GEMIN2: variants seen among roughly 807,000 people sequenced by gnomAD.
GEMIN2 encodes the protein gem nuclear organelle associated protein 2.
In GEMIN2, 37 loss-of-function variants were observed where a neutral mutation model predicts 45.8. That is an observed-to-expected ratio of 0.81 (90% CI 0.62 to 1.06). The LOEUF (loss-of-function observed/expected upper bound fraction) is 1.06, where lower values mean the gene tolerates loss of function less well. GEMIN2 is among the 50% of genes least tolerant of loss of function. The pLI is 0.00. For missense variants in GEMIN2, 335 were observed against 321.8 expected (o/e 1.04, Z -0.31); for synonymous variants, 101 against 111.5 (o/e 0.91, Z 0.60).
At chr14:39,122,061 T>G (rs1049661086) in intron 4 of GEMIN2, 2 of 190,296 alleles carry the variant, frequency 1.1e-5, no homozygotes, top group African/African-American at 4.8e-5. Context: ...TTGGCTTGCA[T>G]AGGGCCACCT....
rs2052561310 is a variant in GEMIN2, at chr14:39,120,509, G to C, written c.372+1910G>C. ...AGGATATTCAGTACTAACTGAAACA[G>C]AAACAGCTTCTGACCTAATAGAGTG... On this transcript the variant is annotated intron_variant, in intron 4 of 9. Transcript: ENST00000308317. 2.0e-5 allele frequency among the ~76,000 whole-genome samples: 3 copies of C among 152,232 alleles called. No homozygotes were observed. The South Asian group carries it at 6.2e-4, about 31-fold the overall frequency.
At chr14:39,130,957 A>G (rs2052707920) in intron 7 of GEMIN2, among the ~76,000 whole-genome samples, 1 of 152,092 alleles carries the variant, frequency 6.6e-6, no homozygotes, top group African/African-American at 2.4e-5. Context: ...TTATAAATAA[A>G]AAAGATGGCT....
At chr14:39,133,759 G>T in intron 9 of GEMIN2, 40 bp downstream of exon 9, 2 of 1,081,344 alleles carry the variant, frequency 1.8e-6, no homozygotes, top group Non-Finnish European at 2.7e-6. Flanking sequence ...TTATCAGTGA[G>T]GTCAGTGAGG....
chr14:39,123,467 T>C (rs186657996), intron 5 of GEMIN2, among the ~76,000 whole-genome samples: 18 of 151,758 alleles, frequency 1.2e-4, no homozygotes, highest in Admixed American at 1.2e-3. Flanking sequence ...GTAATAGAAG[T>C]ATAACATAAC....
intron 4 of GEMIN2, among the ~76,000 whole-genome samples, chr14:39,121,012 C>T (rs752355822): frequency 6.6e-6 from 1 of 152,210 alleles, no homozygotes; most frequent in South Asian, 2.1e-4. Context: ...AATAGTCCTG[C>T]GTCCTGCTTT....
Position 39,118,186 on chromosome 14 carries a change from G to T in GEMIN2, c.312+98G>T, listed in dbSNP as rs193179127. The T allele has an allele frequency of 2.5e-5, 13 of 524,980 alleles. No homozygotes were observed. In the East Asian group the frequency reaches 4.1e-4, roughly 17 times the overall value. 32.5% of individuals were successfully genotyped at this position (524,980 alleles called of 1,614,324 possible). Reference sequence around the variant, plus strand: ...AAAATTTATGATCCTAAAGTATACAGAATATTCATGAATTAATTACCAAAT... The same window carrying T: ...AAAATTTATGATCCTAAAGTATACATAATATTCATGAATTAATTACCAAAT... On this transcript the variant is annotated intron_variant, in intron 3 of 9. Coordinates refer to ENST00000308317, the MANE Select transcript of GEMIN2 (RefSeq NM_003616.3).
At chr14:39,130,324 G>A (rs1466392157) in intron 7 of GEMIN2, among the ~76,000 whole-genome samples, 1 of 151,856 alleles carries the variant, frequency 6.6e-6, no homozygotes, top group Non-Finnish European at 1.5e-5. Flanking sequence ...TTTAAATTTT[G>A]TCCTAATATT....
intron 5 of GEMIN2, among the ~76,000 whole-genome samples, chr14:39,123,399 A>C (rs550912474): frequency 1.1e-3 from 175 of 152,256 alleles, no homozygotes; most frequent in African/African-American, 4.0e-3. Context: ...AAGGATATAG[A>C]TACCTCACAG....
chr14:39,133,809 T>G (rs1190163204), intron 9 of GEMIN2, 90 bp downstream of exon 9: 4 of 695,552 alleles, frequency 5.8e-6, no homozygotes, highest in Middle Eastern at 2.6e-4. Flanking sequence ...GTTTGGTTGG[T>G]TTTTTTTTGA....
chr14:39,121,176 C>G (rs1460250420), intron 4 of GEMIN2, among the ~76,000 whole-genome samples: 1 of 152,072 alleles, frequency 6.6e-6, no homozygotes, highest in African/African-American at 2.4e-5. Context: ...TTATTTCTGT[C>G]TTTATCATCC....
At chr14:39,116,895 C>T (rs1007038777) in intron 2 of GEMIN2, among the ~76,000 whole-genome samples, 6 of 152,152 alleles carry the variant, frequency 3.9e-5, no homozygotes, top group African/African-American at 1.4e-4. Flanking sequence ...AGATGACAAG[C>T]ATGTGCCACC....
chr14:39,131,558 C>T (rs2052715749), intron 7 of GEMIN2, among the ~76,000 whole-genome samples: 1 of 152,010 alleles, frequency 6.6e-6, no homozygotes, highest in African/African-American at 2.4e-5. Context: ...TTTGTATGTC[C>T]CCAGAGGACA....
intron 6 of GEMIN2, among the ~76,000 whole-genome samples, chr14:39,126,767 T>C (rs1019015706): frequency 3.9e-5 from 6 of 152,156 alleles, no homozygotes; most frequent in Non-Finnish European, 5.9e-5. Flanking sequence ...TGTTTTGTTT[T>C]GTTTTGTTTT....
chr14:39,125,071 G>C (rs1412376288), intron 6 of GEMIN2, 35 bp downstream of exon 6: 4 of 979,986 alleles, frequency 4.1e-6, no homozygotes, highest in Non-Finnish European at 6.6e-6. Flanking sequence ...GCATTCTTTT[G>C]TTTGCATTGT....
chr14:39,118,546 A>G lies in GEMIN2; in HGVS notation c.319A>G (p.Asn107Asp), dbSNP rs1482545045. 1 of 1,438,718 alleles carries G rather than the reference A, an allele frequency of 7.0e-7. No homozygotes were observed. The highest frequency in any genetic ancestry group is 1.1e-5 in the South Asian group (1 of 87,314). The allele number at this position is 1,438,718 out of a possible 1,614,324, so 89.1% of individuals were successfully genotyped here. A position where few individuals can be genotyped will look rare whatever the true frequency, so the allele number is the denominator to read the frequency against. Residue 107 changes from asparagine to aspartate, a missense_variant, in exon 4 of 10, where the codon AAC (asparagine) becomes GAC (aspartate). Physicochemically the swap from Asn to Asp is conservative, Grantham distance 23. Coordinates refer to ENST00000308317, the MANE Select transcript of GEMIN2 (RefSeq NM_003616.3). ...CTAAGTTTTCTTCCTTTAGAATGTG[A>G]ACAAACATAGAAGTCACTGGAAATC... ...AQFSTVRQNV[N>D]KHRSHWKSQQ...
intron 6 of GEMIN2, 143 bp downstream of exon 6, chr14:39,125,179 A>G: frequency 1.8e-6 from 1 of 541,778 alleles, no homozygotes; most frequent in South Asian, 2.9e-5. Flanking sequence ...AATCCTTACT[A>G]CAACCCTCTA....
At chr14:39,136,390 T>C (rs1489072514) in intron 9 of GEMIN2, 50 bp from the exon 10 acceptor site, 1 of 930,256 alleles carries the variant, frequency 1.1e-6, no homozygotes, top group African/African-American at 1.6e-5. Flanking sequence ...TTAAAAATAG[T>C]GCTACAGTTA....
At chr14:39,125,107 A>G in intron 6 of GEMIN2, 71 bp downstream of exon 6, 1 of 777,252 alleles carries the variant, frequency 1.3e-6, no homozygotes, top group East Asian at 2.4e-5. Flanking sequence ...AATTGTTAAT[A>G]CATATACTGA....
chr14:39,114,902 G>A lies in GEMIN2; in HGVS notation c.211G>A (p.Val71Met). 1 of 1,512,774 alleles carries A rather than the reference G, an allele frequency of 6.6e-7. No individual in the cohort carries two copies. Among genetic ancestry groups the A allele is most frequent in the Non-Finnish European group, 9.2e-7 (1 of 1,087,468 alleles). 93.7% of individuals were successfully genotyped at this position (1,512,774 alleles called of 1,614,324 possible). ...DPKKLKRKQS[V>M]NISLSGCQPA... ...AAAGAAGTTGAAAAGGAAGCAAAGTGTGAATATTTCTGTGAGTTTTATTAA... is the reference window on the plus strand; with the variant it reads ...AAAGAAGTTGAAAAGGAAGCAAAGTATGAATATTTCTGTGAGTTTTATTAA... Residue 71 changes from valine (V) to methionine (M), a missense_variant, in exon 2 of 10, where the codon GTG becomes ATG. Coordinates refer to ENST00000308317, the MANE Select transcript of GEMIN2 (RefSeq NM_003616.3).
Sources: allele counts gnomAD v4.1 joint callset (sites outside exome capture counted in the v4.1 genomes callset), GRCh38; gene constraint gnomAD v4.1.1; transcripts MANE v1.5; gene names NCBI Gene and HGNC (gene_info 2026-07-23, HGNC 2026-07-21).